The following VPS54 variants were observed in gnomAD, a reference collection of about 807,000 sequenced individuals.
The protein encoded by VPS54 is VPS54 subunit of GARP complex.
VPS54 carries 45 observed loss-of-function variants against 121.5 expected under a neutral mutation model. The ratio of observed to expected loss-of-function variants is 0.37; its 90% CI spans 0.29 to 0.47. The LOEUF is 0.47. Ranked by LOEUF, VPS54 falls within the 20% of genes least tolerant of loss-of-function variation. VPS54 has a pLI of 0.99. For synonymous variants in VPS54, 371 were observed against 385.8 expected (o/e 0.96, Z 0.45); for missense variants, 1,090 against 1,131.4 (o/e 0.96, Z 0.52).
At chr2:63,942,644 T>G in intron 10 of VPS54, 83 bp from the exon 11 acceptor site, 2 of 1,148,300 alleles carry the variant, frequency 1.7e-6, no homozygotes, top group Non-Finnish European at 2.4e-6. Context: ...GAAATGAGAC[T>G]AAATACTATC....
intron 3 of VPS54, among the ~76,000 whole-genome samples, chr2:63,974,262 T>C (rs1676416895): frequency 1.3e-5 from 2 of 152,214 alleles, no homozygotes; most frequent in Admixed American, 6.5e-5. Context: ...CAGTTGATTG[T>C]ATTTGTGTGG....
intron 16 of VPS54, among the ~76,000 whole-genome samples, chr2:63,914,859 C>T (rs911219320): frequency 6.6e-6 from 1 of 151,792 alleles, no homozygotes; most frequent in Admixed American, 6.6e-5. Context: ...TCTGGCTGGG[C>T]GCGGTGGCTC....
At chr2:63,953,421 C>T (rs999664497) in intron 7 of VPS54, among the ~76,000 whole-genome samples, 8 of 152,138 alleles carry the variant, frequency 5.3e-5, no homozygotes, top group Admixed American at 1.3e-4. Flanking sequence ...GCATGAGCCA[C>T]GCTACCCAGC....
At position 63,913,242 on chromosome 2, in the gene VPS54, C is replaced by T. The variant is rs745584365; in HGVS notation, c.2403G>A (p.Thr801=). 10 of 1,609,028 alleles carry T rather than the reference C, an allele frequency of 6.2e-6. No individual in the cohort carries two copies. Among genetic ancestry groups the T allele is most frequent in the East Asian group, 4.5e-5 (2 of 44,342 alleles). The change falls in exon 18 of 23, where the codon ACG becomes ACA. Residue 801 remains threonine (T), a synonymous_variant. Transcript: ENST00000272322. Reference sequence around the variant, plus strand: ...CCATACCCAAATTTTTTGTAGTTATCGTTTTTAGTCCAACAACTTGCAGTG... The same window carrying T: ...CCATACCCAAATTTTTTGTAGTTATTGTTTTTAGTCCAACAACTTGCAGTG... ...AGALQVVGLK[T]ITTKNLALSS...
chr2:63,958,042 G>A (rs895674908), intron 7 of VPS54, among the ~76,000 whole-genome samples: 1 of 152,170 alleles, frequency 6.6e-6, no homozygotes, highest in African/African-American at 2.4e-5. Context: ...GAAAAAAAAA[G>A]AGTGGAATAA....
intron 20 of VPS54, among the ~76,000 whole-genome samples, chr2:63,903,103 C>T (rs996621982): frequency 2.6e-5 from 4 of 151,802 alleles, no homozygotes; most frequent in Non-Finnish European, 5.9e-5. Flanking sequence ...AAAAAGGAAA[C>T]ACACAACAGG....
chr2:63,981,105 G>T lies in VPS54; in HGVS notation c.378+541C>A, dbSNP rs544762205. ...TAAATATCCCCTGTACCACTTTAAT[G>T]ATTTTAATTGTATTGATAACAGCCA... On this transcript the variant is annotated intron_variant, in intron 3 of 22. Coordinates refer to ENST00000272322, the MANE Select transcript of VPS54 (RefSeq NM_016516.3). Among the ~76,000 whole-genome samples the T allele has an allele frequency of 1.4e-4, 22 of 152,192 alleles. No individual in the cohort carries two copies. In the East Asian group the frequency reaches 3.9e-3, roughly 27 times the overall value.
intron 1 of VPS54, among the ~76,000 whole-genome samples, chr2:63,994,292 C>T (rs989918341): frequency 1.3e-5 from 2 of 152,220 alleles, no homozygotes; most frequent in African/African-American, 2.4e-5. Flanking sequence ...ATCTCGCTTA[C>T]ACTAGGTTTT....
intron 15 of VPS54, among the ~76,000 whole-genome samples, chr2:63,918,263 C>G (rs1292881702): frequency 6.6e-6 from 1 of 152,016 alleles, no homozygotes; most frequent in Non-Finnish European, 1.5e-5. Flanking sequence ...TCAAACAAAA[C>G]ACATGAGTAA....
Position 63,933,937 on chromosome 2 carries a change from A to C in VPS54, c.1475T>G (p.Ile492Ser). ...TTTTGCAGCATTCTTCTGTTGTGAA[A>C]TCTCTTCCAATTCTCTAGTCCTTTG... ...KNQRTRELEEISQQKNAAKDN... is the reference protein window; with the variant it reads ...KNQRTRELEESSQQKNAAKDN... Residue 492 changes from isoleucine (I) to serine (S), a missense_variant, in exon 12 of 23, where the codon ATT (isoleucine) becomes AGT (serine). Physicochemically the swap from Ile to Ser is moderately radical, Grantham distance 142 (BLOSUM62 -2). Transcript: ENST00000272322. The C allele has an allele frequency of 6.2e-7, 1 of 1,613,598 alleles. No homozygotes were observed.
intron 1 of VPS54, among the ~76,000 whole-genome samples, chr2:64,001,125 A>G (rs1677854223): frequency 1.3e-5 from 2 of 152,012 alleles, no homozygotes; most frequent in African/African-American, 4.8e-5. Flanking sequence ...TCCCCTTTCC[A>G]CAGGCAGAGG....
At chr2:63,951,442 T>C (rs796909990) in intron 7 of VPS54, among the ~76,000 whole-genome samples, 2 of 152,116 alleles carry the variant, frequency 1.3e-5, no homozygotes, top group Admixed American at 6.5e-5. Flanking sequence ...CACCTTTTAC[T>C]GTGATACTCA....
Position 63,898,670 on chromosome 2 carries a change from G to C in VPS54, c.2733+804C>G, listed in dbSNP as rs147346417. Among the ~76,000 whole-genome samples, 720 of 152,104 alleles carry C rather than the reference G, an allele frequency of 4.7e-3. 3 individuals are homozygous for C. Among genetic ancestry groups the C allele is most frequent in the South Asian group, 0.027 (128 of 4,814 alleles). On this transcript the variant is annotated intron_variant, in intron 21 of 22. Coordinates refer to ENST00000272322, the MANE Select transcript of VPS54 (RefSeq NM_016516.3). ...TGAAATAAACAAACTTGTCTGAATA[G>C]CAGAAATCTCAGTGAAAGTTAAATT...
At chr2:63,899,041 A>G (rs1341439984) in intron 21 of VPS54, among the ~76,000 whole-genome samples, 4 of 152,192 alleles carry the variant, frequency 2.6e-5, no homozygotes, top group Admixed American at 2.6e-4. Flanking sequence ...ACATAACAAT[A>G]AAGCAGATTG....
At chr2:64,015,769 AT>A (rs1678657301) in intron 1 of VPS54, among the ~76,000 whole-genome samples, 2 of 151,882 alleles carry the variant, frequency 1.3e-5, no homozygotes, top group African/African-American at 4.8e-5. Flanking sequence ...ATTTAAAAAA[AT>A]AAGACATTAA....
intron 9 of VPS54, among the ~76,000 whole-genome samples, chr2:63,946,478 T>C (rs923713272): frequency 6.6e-6 from 1 of 152,144 alleles, no homozygotes; most frequent in African/African-American, 2.4e-5. Flanking sequence ...AAAGTGGTTG[T>C]ACCAATTTAA....
At chr2:63,988,674 A>G (rs1575995214) in intron 1 of VPS54, among the ~76,000 whole-genome samples, 1 of 152,300 alleles carries the variant, frequency 6.6e-6, no homozygotes, top group African/African-American at 2.4e-5. Flanking sequence ...TCTTTATTTT[A>G]ATCTCTTAAT....
At chr2:63,914,120 T>C (rs1673272066) in intron 17 of VPS54, 62 bp downstream of exon 17, 1 of 1,287,090 alleles carries the variant, frequency 7.8e-7, no homozygotes, top group East Asian at 2.3e-5. Context: ...TTAAGATTAG[T>C]CACACCCTAA....
At position 63,973,095 on chromosome 2, in the gene VPS54, A is replaced by G. The variant is rs182047551; in HGVS notation, c.379-851T>C. Among the ~76,000 whole-genome samples, 2 of 152,316 alleles carry G rather than the reference A, an allele frequency of 1.3e-5. 1 individual carries two copies. Among genetic ancestry groups the G allele is most frequent in the East Asian group, 3.9e-4 (2 of 5,188 alleles). The stretch of plus-strand genomic sequence containing the variant: ...TCAGAGTTCTGGTAGCAATTCTATC[A>G]GTTACTACAGGACTGTTTTCCAAAG... On this transcript the variant is annotated intron_variant, in intron 3 of 22. Coordinates refer to ENST00000272322, the MANE Select transcript of VPS54 (RefSeq NM_016516.3).
Sources: gnomAD v4.1 joint callset for allele counts (sites outside exome capture counted in the v4.1 genomes callset) on GRCh38, gnomAD v4.1.1 for gene constraint, MANE v1.5 for transcripts, NCBI Gene and HGNC (gene_info 2026-07-23, HGNC 2026-07-21) for gene names.